TNKS2: variants seen among roughly 807,000 people sequenced by gnomAD.
The protein encoded by TNKS2 is tankyrase 2, also known as poly [ADP-ribose] polymerase tankyrase-2.
Under a neutral mutation model 137.6 loss-of-function variants are expected in TNKS2, and 72 were observed. That is an observed-to-expected ratio of 0.52 (90% CI 0.43 to 0.64). The LOEUF (loss-of-function observed/expected upper bound fraction) is 0.64. Among genes scored for constraint, TNKS2 ranks in the 30% least tolerant of loss-of-function variants. TNKS2 has a pLI of 0.00. For synonymous variants in TNKS2, 516 were observed against 512.1 expected, an observed-to-expected ratio of 1.01 and a Z score of -0.10; for missense variants, 1,049 against 1,410.2, an observed-to-expected ratio of 0.74 and a Z score of 4.10.
chr10:91,824,822 C>T (rs887973167), intron 7 of TNKS2, among the ~76,000 whole-genome samples: 6 of 152,054 alleles, frequency 3.9e-5, no homozygotes, highest in African/African-American at 9.7e-5. Context: ...CTTAAGTTCA[C>T]GAAATAAGTC....
In TNKS2 at chr10:91,820,115, T is replaced by G. The variant is rs866914088; in HGVS notation, c.728+82T>G. On this transcript the variant is annotated intron_variant, in intron 6 of 26. Transcript: ENST00000371627. Reference sequence around the variant, plus strand: ...TCTTTGTAACCTTAGAAAAATAATATTTTTTACTAAATAACATTAATATAT... The same window carrying G: ...TCTTTGTAACCTTAGAAAAATAATAGTTTTTACTAAATAACATTAATATAT... 9.1e-5 allele frequency: 84 copies of G among 921,064 alleles called. 1 individual carries two copies. The African/African-American group carries it at 1.2e-3, about 14-fold the overall frequency. The allele number at this position is 921,064 out of a possible 1,614,324, so 57.1% of individuals were successfully genotyped here. A position where few individuals can be genotyped will look rare whatever the true frequency, so the allele number is the denominator to read the frequency against.
intron 26 of TNKS2, 138 bp downstream of exon 26, chr10:91,862,293 G>T: frequency 1.6e-6 from 1 of 640,994 alleles, no homozygotes. Context: ...TTTCAGATTT[G>T]GAAAGTTACA....
chr10:91,850,101 C>T (rs1442731659), intron 20 of TNKS2, among the ~76,000 whole-genome samples: 1 of 152,174 alleles, frequency 6.6e-6, no homozygotes, highest in Non-Finnish European at 1.5e-5. Context: ...TGCAGTGGCT[C>T]ACGCCTGTAA....
intron 11 of TNKS2, among the ~76,000 whole-genome samples, chr10:91,832,221 T>C (rs1171382907): frequency 6.6e-6 from 1 of 152,212 alleles, no homozygotes; most frequent in Non-Finnish European, 1.5e-5. Flanking sequence ...CTTGTCTCTC[T>C]GTTCTATATC....
chr10:91,805,099 C>T (rs1844283652), intron 1 of TNKS2, among the ~76,000 whole-genome samples: 1 of 124,596 alleles, frequency 8.0e-6, no homozygotes, highest in Non-Finnish European at 1.6e-5. Flanking sequence ...TCGCCAAACT[C>T]CAAGCAACTT....
intron 1 of TNKS2, among the ~76,000 whole-genome samples, chr10:91,808,145 G>A (rs1038649125): frequency 6.6e-6 from 1 of 151,862 alleles, no homozygotes; most frequent in African/African-American, 2.4e-5. Context: ...CCAACTAAAT[G>A]GTGTGAAGAT....
At chr10:91,812,384 C>T (rs1844538087) in intron 1 of TNKS2, among the ~76,000 whole-genome samples, 1 of 152,070 alleles carries the variant, frequency 6.6e-6, no homozygotes, top group Non-Finnish European at 1.5e-5. Flanking sequence ...GTTATATATG[C>T]GTTTTGCAAG....
At chr10:91,843,907 C>T (rs1294399966) in intron 16 of TNKS2, among the ~76,000 whole-genome samples, 1 of 152,102 alleles carries the variant, frequency 6.6e-6, no homozygotes. Flanking sequence ...AAGTTGAGAC[C>T]TCACTGTCCA....
rs1844113871 is a variant in TNKS2 at position 91,800,115 on chromosome 10, T to C, written c.199+1226T>C. Among the ~76,000 whole-genome samples the C allele has an allele frequency of 2.0e-5, 3 of 152,194 alleles. No individual in the cohort carries two copies. The South Asian group carries it at 6.2e-4, about 32-fold the overall frequency. On this transcript the variant is annotated intron_variant, in intron 1 of 26. Coordinates refer to ENST00000371627, the MANE Select transcript of TNKS2 (RefSeq NM_025235.4). ...TGTTGGATTTCCATTGGGGAGTCTT[T>C]TAAAAAGAAGAAAGTTTAGGGAACC... is the stretch of plus-strand genomic sequence containing the variant.
intron 1 of TNKS2, among the ~76,000 whole-genome samples, chr10:91,810,157 C>T (rs1327620003): frequency 6.6e-6 from 1 of 152,060 alleles, no homozygotes; most frequent in Non-Finnish European, 1.5e-5. Flanking sequence ...CTGAGGATTA[C>T]TTGAGGTCAG....
intron 9 of TNKS2, among the ~76,000 whole-genome samples, chr10:91,830,150 G>T (rs1029556204): frequency 3.3e-5 from 5 of 152,166 alleles, no homozygotes; most frequent in Non-Finnish European, 7.4e-5. Context: ...TATAAATACT[G>T]CTCAGCTGAT....
rs1350024781 is a variant in TNKS2, at chr10:91,827,201, C to CA, written c.981dup (p.Tyr328IlefsTer2). On this transcript the variant is annotated frameshift_variant and splice_region_variant, in exon 8 of 27. Coordinates refer to ENST00000371627, the MANE Select transcript of TNKS2 (RefSeq NM_025235.4). LOFTEE classifies it high-confidence loss of function. Reference sequence around the variant, plus strand: ...ACACCACAGTTAAAAGAAAGATTAGCATGTGAGTATAAAATTATGAATGTT... The same window carrying CA: ...ACACCACAGTTAAAAGAAAGATTAGCAATGTGAGTATAAAATTATGAATGTT... The CA allele has an allele frequency of 6.5e-7, 1 of 1,529,258 alleles. No individual in the cohort carries two copies. Among genetic ancestry groups the CA allele is most frequent in the African/African-American group, 1.4e-5 (1 of 72,444 alleles). 94.7% of individuals were successfully genotyped at this position (1,529,258 alleles called of 1,614,324 possible). A position where few individuals can be genotyped will look rare whatever the true frequency, so the allele number is the denominator to read the frequency against.
intron 6 of TNKS2, among the ~76,000 whole-genome samples, chr10:91,822,068 G>T (rs1432694261): frequency 3.9e-5 from 6 of 152,192 alleles, no homozygotes; most frequent in African/African-American, 1.4e-4. Context: ...GGCAGTGGCA[G>T]TAGCAGTGAA....
chr10:91,853,199 T>G (rs1262972124), intron 21 of TNKS2, among the ~76,000 whole-genome samples: 1 of 152,212 alleles, frequency 6.6e-6, no homozygotes, highest in Non-Finnish European at 1.5e-5. Flanking sequence ...CTATTAGGAC[T>G]GCACTGAAAA....
intron 12 of TNKS2, among the ~76,000 whole-genome samples, chr10:91,835,207 A>G (rs887988106): frequency 5.3e-5 from 8 of 151,680 alleles, no homozygotes; most frequent in Non-Finnish European, 8.8e-5. Flanking sequence ...AAAAAAAATG[A>G]TATTTAATCT....
chr10:91,806,401 C>T (rs1325994957), intron 1 of TNKS2, among the ~76,000 whole-genome samples: 1 of 151,938 alleles, frequency 6.6e-6, no homozygotes, highest in African/African-American at 2.4e-5. Context: ...AATCCATAGC[C>T]CTTCTGAGAA....
intron 1 of TNKS2, among the ~76,000 whole-genome samples, chr10:91,812,197 TA>T (rs1420391488): frequency 2.0e-5 from 3 of 152,210 alleles, no homozygotes; most frequent in Non-Finnish European, 4.4e-5. Flanking sequence ...AAGCTAGGTG[TA>T]AAAAGGTTTT....
At chr10:91,802,050 A>G (rs10748569) in intron 1 of TNKS2, among the ~76,000 whole-genome samples, 106,182 of 152,082 alleles carry the variant, frequency 0.7, 38,258 homozygotes, top group East Asian at 0.91. Context: ...CTCTTGGAGT[A>G]GGGGTAGGAG....
intron 9 of TNKS2, among the ~76,000 whole-genome samples, chr10:91,829,038 A>T (rs1382232778): frequency 1.3e-5 from 2 of 152,162 alleles, no homozygotes; most frequent in Non-Finnish European, 2.9e-5. Context: ...AGAAACTTAA[A>T]GGTAGAAATT....
Sources: gnomAD v4.1 joint callset for allele counts (sites outside exome capture counted in the v4.1 genomes callset) on GRCh38, gnomAD v4.1.1 for gene constraint, MANE v1.5 for transcripts, NCBI Gene and HGNC (gene_info 2026-07-23, HGNC 2026-07-21) for gene names.